The following B3GALNT2 variants were observed in gnomAD, a reference collection of about 807,000 sequenced individuals.
B3GALNT2 encodes the protein UDP-GalNAc:beta-1,3-N-acetylgalactosaminyltransferase 2.
Under a neutral mutation model 61.1 loss-of-function variants are expected in B3GALNT2, and 53 were observed. The observed-to-expected ratio is 0.87, with a 90% CI of 0.70 to 1.09. The LOEUF (loss-of-function observed/expected upper bound fraction) is 1.09. B3GALNT2 is among the 50% of genes least tolerant of loss of function. The pLI is 0.00. For synonymous variants in B3GALNT2, 223 were observed against 237.4 expected (o/e 0.94, Z 0.56); for missense variants, 544 against 623.0 (o/e 0.87, Z 1.35).
At position 235,458,587 on chromosome 1, in the gene B3GALNT2, C is replaced by A. The variant is rs1005203212; in HGVS notation, c.1025+16G>T. The A allele has an allele frequency of 6.4e-7, 1 of 1,556,614 alleles. No individual in the cohort carries two copies. ...AATAAAACAAGTTCTAGCTACCCAA[C>A]ATTTTTACAACCTACCATCTATAGA... On this transcript the variant is annotated intron_variant, in intron 8 of 11. Coordinates refer to ENST00000366600, the MANE Select transcript of B3GALNT2 (RefSeq NM_152490.5).
intron 7 of B3GALNT2, among the ~76,000 whole-genome samples, chr1:235,462,372 A>G (rs1489044905): frequency 1.3e-5 from 2 of 152,222 alleles, no homozygotes; most frequent in Non-Finnish European, 2.9e-5. Context: ...TCTAGCCAGG[A>G]CAATCAGATA....
chr1:235,456,185 T>C (rs1030831310), intron 8 of B3GALNT2, among the ~76,000 whole-genome samples: 11 of 152,218 alleles, frequency 7.2e-5, no homozygotes, highest in Admixed American at 4.6e-4. Context: ...ACTTATTACA[T>C]TGAAACATAT....
intron 5 of B3GALNT2, among the ~76,000 whole-genome samples, chr1:235,477,053 T>C (rs534667595): frequency 1.7e-4 from 26 of 151,296 alleles, no homozygotes; most frequent in Non-Finnish European, 3.7e-4. Context: ...TAAATAAAAA[T>C]TAGGGGAAAA....
chr1:235,446,527 A>G (rs1267744250), downstream of B3GALNT2, among the ~76,000 whole-genome samples: 1 of 152,196 alleles, frequency 6.6e-6, no homozygotes, highest in Non-Finnish European at 1.5e-5. Context: ...GCCTAGAGGT[A>G]TACCTCTCAA....
intron 11 of B3GALNT2, chr1:235,450,959 CTCAT>C (rs1682861676): frequency 6.6e-6 from 1 of 152,192 alleles, no homozygotes; most frequent in Non-Finnish European, 1.5e-5. Context: ...CAGAGAGAAA[CTCAT>C]TCAATGTTTT....
intron 5 of B3GALNT2, among the ~76,000 whole-genome samples, chr1:235,477,233 A>C: frequency 6.6e-6 from 1 of 151,736 alleles, no homozygotes; most frequent in African/African-American, 2.4e-5. Context: ...AGTTCAAATC[A>C]CCATTCAAAT....
chr1:235,504,436 G>A lies in B3GALNT2; in HGVS notation c.-184C>T. 3.5e-6 allele frequency: 2 copies of A among 569,228 alleles called. No homozygotes were observed. The highest frequency in any genetic ancestry group is 5.5e-6 in the Non-Finnish European group (2 of 362,062). 35.3% of individuals were successfully genotyped at this position (569,228 alleles called of 1,614,324 possible). On this transcript the variant is annotated 5_prime_UTR_variant, in exon 1 of 12. Coordinates refer to ENST00000366600, the MANE Select transcript of B3GALNT2 (RefSeq NM_152490.5). Reference sequence around the variant, plus strand: ...CCCCGCTCCTCCGGTCCCTCAGACCGCGGGTGGCCGCGGCTTAGCCGGCCG... The same window carrying A: ...CCCCGCTCCTCCGGTCCCTCAGACCACGGGTGGCCGCGGCTTAGCCGGCCG...
intron 1 of B3GALNT2, among the ~76,000 whole-genome samples, chr1:235,498,594 C>T (rs1307987311): frequency 1.3e-5 from 2 of 152,046 alleles, no homozygotes; most frequent in Non-Finnish European, 2.9e-5. Context: ...ATCCCAGCTT[C>T]AATTTTGGGA....
chr1:235,455,672 T>C lies in B3GALNT2; in HGVS notation c.1038A>G (p.Thr346=), dbSNP rs768845033. ...LLNFYRWTVE[T]TSFNLLLKTD... ...TCTTCAGCAACAAATTGAAGCTCGTTGTTTCCACAGTCCTGTTGACACAAA... is the reference window on the plus strand; with the variant it reads ...TCTTCAGCAACAAATTGAAGCTCGTCGTTTCCACAGTCCTGTTGACACAAA... The change falls in exon 9 of 12, where the codon ACA becomes ACG. Residue 346 remains threonine, a synonymous_variant. Transcript: ENST00000366600. 2.5e-6 allele frequency: 4 copies of C among 1,609,264 alleles called. No individual in the cohort carries two copies. The highest frequency in any genetic ancestry group is 1.7e-5 in the Admixed American group (1 of 59,986).
chr1:235,470,291 T>C (rs1460688808), intron 6 of B3GALNT2, among the ~76,000 whole-genome samples: 1 of 152,112 alleles, frequency 6.6e-6, no homozygotes, highest in Non-Finnish European at 1.5e-5. Flanking sequence ...AATGCTAACT[T>C]AAAAATTACT....
chr1:235,495,852 G>A (rs1397061481), intron 1 of B3GALNT2, among the ~76,000 whole-genome samples: 1 of 152,034 alleles, frequency 6.6e-6, no homozygotes. Context: ...TATACCATGG[G>A]ATCTAGGTAT....
intron 1 of B3GALNT2, among the ~76,000 whole-genome samples, chr1:235,497,210 T>C (rs182544432): frequency 2.6e-5 from 4 of 152,322 alleles, no homozygotes; most frequent in East Asian, 1.9e-4. Flanking sequence ...TAAATGACTA[T>C]GTAAAACTGA....
chr1:235,471,173 T>C (rs1683989395), intron 5 of B3GALNT2, among the ~76,000 whole-genome samples: 1 of 152,194 alleles, frequency 6.6e-6, no homozygotes, highest in African/African-American at 2.4e-5. Context: ...ACAAAGAGTA[T>C]ATACACAATT....
intron 4 of B3GALNT2, 109 bp from the exon 5 acceptor site, chr1:235,480,258 T>C: frequency 6.1e-6 from 9 of 1,469,470 alleles, no homozygotes; most frequent in Non-Finnish European, 8.2e-6. Context: ...ACAATGGCCC[T>C]AACCACGGTC....
rs370053636 is a variant in B3GALNT2, at chr1:235,450,163, G to A, written c.*43C>T. The A allele has an allele frequency of 2.4e-5, 39 of 1,610,406 alleles. No homozygotes were observed. The highest frequency in any genetic ancestry group is 5.3e-5 in the African/African-American group (4 of 74,806). On this transcript the variant is annotated 3_prime_UTR_variant, in exon 12 of 12. Transcript: ENST00000366600. ...TCCTCAGACTTGCACTCAGATTATC[G>A]TTTGCCTGCCCTGATTTTAGACTCT...
chr1:235,470,715 G>C, intron 6 of B3GALNT2, 135 bp downstream of exon 6: 3 of 1,284,840 alleles, frequency 2.3e-6, no homozygotes, highest in Non-Finnish European at 3.0e-6. Context: ...AACAACATTT[G>C]CTACTATATA....
the B3GALNT2 span, chr1:235,441,811 CAG>C: frequency 1.9e-6 from 3 of 1,613,756 alleles, no homozygotes; most frequent in Non-Finnish European, 2.5e-6. Flanking sequence ...CTTTCTTAAA[CAG>C]AATATGGTGC....
intron 1 of B3GALNT2, among the ~76,000 whole-genome samples, chr1:235,503,028 T>C (rs1685650348): frequency 6.6e-6 from 1 of 152,246 alleles, no homozygotes; most frequent in African/African-American, 2.4e-5. Context: ...GCTAGTGATC[T>C]AATAGGAAAA....
At chr1:235,465,591 A>G (rs1305556) in intron 7 of B3GALNT2, 45 bp downstream of exon 7, 756,237 of 1,604,830 alleles carry the variant, frequency 0.47, 185,113 homozygotes, top group Non-Finnish European at 0.51. Context: ...AAGATTAAGT[A>G]TAAGACATTC....
Sources: gnomAD v4.1 joint callset for allele counts (sites outside exome capture counted in the v4.1 genomes callset) on GRCh38, gnomAD v4.1.1 for gene constraint, MANE v1.5 for transcripts, NCBI Gene and HGNC (gene_info 2026-07-23, HGNC 2026-07-21) for gene names.